The following VPS13C variants were observed in gnomAD, a reference collection of about 807,000 sequenced individuals.
The protein encoded by VPS13C is vacuolar protein sorting 13 homolog C.
A neutral mutation model predicts 456.8 loss-of-function variants in VPS13C; 358 were observed. That is an observed-to-expected ratio of 0.78 (90% CI 0.72 to 0.86). The LOEUF (loss-of-function observed/expected upper bound fraction) is 0.86, where lower values mean the gene tolerates loss of function less well. Among genes scored for constraint, VPS13C ranks in the 40% least tolerant of loss-of-function variants. The probability of loss-of-function intolerance (pLI) is 0.00; values close to 1 mark genes in which losing one functional copy is unlikely to be tolerated. For synonymous variants in VPS13C, 1,578 were observed against 1,486.7 expected, an observed-to-expected ratio of 1.06 and a Z score of -1.41; for missense variants, 4,818 against 4,385.4, an observed-to-expected ratio of 1.10 and a Z score of -2.79.
Position 62,020,512 on chromosome 15 carries a change from TG to T in VPS13C, c.650del (p.Ser217TyrfsTer12). 1 of 1,611,526 alleles carries T rather than the reference TG, an allele frequency of 6.2e-7. No individual in the cohort carries two copies. The highest frequency in any genetic ancestry group is 8.5e-7 in the Non-Finnish European group (1 of 1,178,504). On this transcript the variant is annotated frameshift_variant, in exon 9 of 85. Coordinates refer to ENST00000644861, the MANE Select transcript of VPS13C (RefSeq NM_020821.3). LOFTEE classifies it high-confidence loss of function. ...TAAGCTCTCCCAGTGTGACACCAAA[TG>T]AAAGAGGCCGCTTTGGATCAGTGAC... ...DDVTDPKRPL[S>X]FGVTLGELSL...
At position 61,950,891 on chromosome 15, in the gene VPS13C, A is replaced by AATAC. The variant is rs1555427165; in HGVS notation, c.4536+53_4536+54insGTAT. On this transcript the variant is annotated intron_variant, in intron 40 of 84. Transcript: ENST00000644861. ...AAATGAGAATATTAAATATAAGGGT[A>AATAC]ATATAACTTCATATATTCAAATATT... The AATAC allele has an allele frequency of 9.4e-6, 10 of 1,059,580 alleles. No individual in the cohort carries two copies. In the African/African-American group the frequency reaches 1.5e-4, roughly 16 times the overall value. The allele number at this position is 1,059,580 out of a possible 1,614,324, so 65.6% of individuals were successfully genotyped here. A position where few individuals can be genotyped will look rare whatever the true frequency, so the allele number is the denominator to read the frequency against.
intron 18 of VPS13C, 64 bp from the exon 19 acceptor site, chr15:61,985,063 T>G (rs1359371927): frequency 2.4e-6 from 3 of 1,230,378 alleles, no homozygotes; most frequent in Admixed American, 2.9e-5. Context: ...CTTTAATAAT[T>G]TCTTATTTAA....
At position 61,875,489 on chromosome 15, in the gene VPS13C, A is replaced by C. The variant is rs538296947; in HGVS notation, c.10338+243T>G. On this transcript the variant is annotated intron_variant, in intron 76 of 84. Transcript: ENST00000644861. ...TCTTGAAAGTCTTAATCTACCCAGC[A>C]CTCTAAATATTCTTACAACTACATT... 2.6e-5 allele frequency among the ~76,000 whole-genome samples: 4 copies of C among 152,072 alleles called. No homozygotes were observed. The East Asian group carries it at 7.7e-4, about 29-fold the overall frequency.
At position 61,986,652 on chromosome 15, in the gene VPS13C, T is replaced by C. The variant is rs138708676; in HGVS notation, c.1579-1653A>G. Reference sequence around the variant, plus strand: ...CAAACAGTAAGAAGTCCAAACAGTATAAACAAAAATGAATACATATCTAGT... The same window carrying C: ...CAAACAGTAAGAAGTCCAAACAGTACAAACAAAAATGAATACATATCTAGT... On this transcript the variant is annotated intron_variant, in intron 18 of 84. Coordinates refer to ENST00000644861, the MANE Select transcript of VPS13C (RefSeq NM_020821.3). Among the ~76,000 whole-genome samples the C allele has an allele frequency of 8.1e-3, 1,225 of 152,080 alleles. 14 individuals carry two copies. The highest frequency in any genetic ancestry group is 0.028 in the African/African-American group (1,181 of 41,474).
chr15:62,035,068 T>C lies in VPS13C; in HGVS notation c.188-16A>G. 6.4e-7 allele frequency: 1 copy of C among 1,567,356 alleles called. No individual in the cohort carries two copies. The highest frequency in any genetic ancestry group is 8.7e-7 in the Non-Finnish European group (1 of 1,144,194). ...GTTAATTTATCTAAGGAAACATAAT[T>C]TCAACCTTAAATTATTATTTGACTG... On this transcript the variant is annotated splice_polypyrimidine_tract_variant and intron_variant, in intron 3 of 84. Transcript: ENST00000644861.
At chr15:62,018,564 G>A (rs1000944731) in intron 9 of VPS13C, among the ~76,000 whole-genome samples, 1 of 151,670 alleles carries the variant, frequency 6.6e-6, no homozygotes, top group Non-Finnish European at 1.5e-5. Flanking sequence ...TTTGTCTTTG[G>A]TTCTGTTTAT....
chr15:61,863,035 G>T (rs186460786), intron 82 of VPS13C, among the ~76,000 whole-genome samples: 2 of 152,076 alleles, frequency 1.3e-5, no homozygotes, highest in Non-Finnish European at 2.9e-5. Flanking sequence ...TAGAAGTAAT[G>T]CCACCCTTTA....
In VPS13C at chr15:61,853,170, G is replaced by A. The variant is rs1032693513; in HGVS notation, c.*1287C>T. On this transcript the variant is annotated 3_prime_UTR_variant, in exon 85 of 85. Transcript: ENST00000644861. ...AGGGCCTGCTCCCTCACAGAACACA[G>A]TGTCATTATATATGCCTTATTTATA... 2.6e-5 allele frequency: 4 copies of A among 152,088 alleles called. No individual in the cohort carries two copies. The highest frequency in any genetic ancestry group is 5.9e-5 in the Non-Finnish European group (4 of 67,994). 9.4% of individuals were successfully genotyped at this position (152,088 alleles called of 1,614,324 possible). A position where few individuals can be genotyped will look rare whatever the true frequency, so the allele number is the denominator to read the frequency against.
At chr15:61,946,754 T>C (rs1034232707) in intron 43 of VPS13C, among the ~76,000 whole-genome samples, 1 of 151,928 alleles carries the variant, frequency 6.6e-6, no homozygotes, top group Non-Finnish European at 1.5e-5. Flanking sequence ...TCAGCAGTGG[T>C]CATTTAGGAA....
intron 6 of VPS13C, among the ~76,000 whole-genome samples, chr15:62,025,948 T>A (rs35592904): frequency 6.6e-6 from 1 of 151,226 alleles, no homozygotes; most frequent in Non-Finnish European, 1.5e-5. Context: ...ATAGCTATAT[T>A]TTTTAAACAC....
intron 47 of VPS13C, among the ~76,000 whole-genome samples, chr15:61,937,975 C>T (rs1346987762): frequency 2.0e-5 from 3 of 152,142 alleles, no homozygotes; most frequent in Non-Finnish European, 2.9e-5. Context: ...CATGCAAGCA[C>T]GCATGCATAG....
intron 82 of VPS13C, among the ~76,000 whole-genome samples, chr15:61,857,088 A>G (rs1286588614): frequency 6.6e-6 from 1 of 152,192 alleles, no homozygotes; most frequent in Non-Finnish European, 1.5e-5. Flanking sequence ...TGATATAACT[A>G]TACTTAAAAT....
At chr15:62,041,522 A>C (rs951323333) in intron 2 of VPS13C, among the ~76,000 whole-genome samples, 156 bp from the exon 3 acceptor site, 1 of 152,192 alleles carries the variant, frequency 6.6e-6, no homozygotes, top group Non-Finnish European at 1.5e-5. Context: ...TTTATAGCCA[A>C]AAAACGTTTC....
chr15:62,012,183 T>C lies in VPS13C; in HGVS notation c.826-19A>G. The C allele has an allele frequency of 6.8e-7, 1 of 1,472,390 alleles. No homozygotes were observed. Among genetic ancestry groups the C allele is most frequent in the African/African-American group, 1.4e-5 (1 of 70,054 alleles). The allele number at this position is 1,472,390 out of a possible 1,614,324, so 91.2% of individuals were successfully genotyped here. A position where few individuals can be genotyped will look rare whatever the true frequency, so the allele number is the denominator to read the frequency against. On this transcript the variant is annotated intron_variant, in intron 11 of 84. Transcript: ENST00000644861. ...GCTGATCCTAAACAAAAAATTTGAATGAGAATGAAAAAGAAAATGCACACA... is the reference window on the plus strand; with the variant it reads ...GCTGATCCTAAACAAAAAATTTGAACGAGAATGAAAAAGAAAATGCACACA...
intron 81 of VPS13C, chr15:61,865,594 G>GTA (rs765596173): frequency 1.6e-6 from 1 of 614,626 alleles, no homozygotes; most frequent in Non-Finnish European, 2.0e-6. Flanking sequence ...ATATGTGTGT[G>GTA]TATATATGTA....
At chr15:61,925,345 G>T (rs139958799) in intron 53 of VPS13C, 111 bp downstream of exon 53, 166 of 513,904 alleles carry the variant, frequency 3.2e-4, no homozygotes, top group Non-Finnish European at 5.2e-4. Flanking sequence ...TATGTGACTA[G>T]CATAATGCTT....
At chr15:62,010,017 C>G (rs1335157540) in intron 13 of VPS13C, among the ~76,000 whole-genome samples, 1 of 151,974 alleles carries the variant, frequency 6.6e-6, no homozygotes, top group East Asian at 1.9e-4. Context: ...GAAACGCCAT[C>G]TCTACTAAAA....
At chr15:61,866,774 A>G (rs184851568) in intron 81 of VPS13C, 1 of 983,684 alleles carries the variant, frequency 1.0e-6, no homozygotes, top group East Asian at 1.1e-4. Context: ...TTCTTCTTTA[A>G]AGTGGTTAAA....
At chr15:61,914,938 G>T (rs1447442732) in intron 61 of VPS13C, among the ~76,000 whole-genome samples, 1 of 133,552 alleles carries the variant, frequency 7.5e-6, no homozygotes, top group African/African-American at 2.8e-5. Flanking sequence ...AATGTACACT[G>T]AAATTTGAGA....
Sources: allele counts gnomAD v4.1 joint callset (sites outside exome capture counted in the v4.1 genomes callset), GRCh38; gene constraint gnomAD v4.1.1; transcripts MANE v1.5; gene names NCBI Gene and HGNC (gene_info 2026-07-23, HGNC 2026-07-21).